Variants in TAB2 observed in about 807,000 individuals in gnomAD.
TAB2 encodes the protein TGF-beta activated kinase 1 (MAP3K7) binding protein 2.
In TAB2, 3 loss-of-function variants were observed where a neutral mutation model predicts 65.0. That is an observed-to-expected ratio of 0.05 (90% CI 0.02 to 0.12). The LOEUF is 0.12. Among genes scored for constraint, TAB2 ranks in the 10% least tolerant of loss-of-function variants. The pLI is 1.00. For missense variants in TAB2, 623 were observed against 840.3 expected, an observed-to-expected ratio of 0.74 and a Z score of 3.20; for synonymous variants, 298 against 285.1, an observed-to-expected ratio of 1.05 and a Z score of -0.46.
intron 1 of TAB2, among the ~76,000 whole-genome samples, chr6:149,305,421 A>G (rs1022790947): frequency 2.0e-5 from 3 of 152,152 alleles, no homozygotes; most frequent in Non-Finnish European, 4.4e-5. Flanking sequence ...TTCCTTTTTC[A>G]AAGGGCCCTG....
At chr6:149,252,372 C>T (rs958416421) in intron 1 of TAB2, among the ~76,000 whole-genome samples, 7 of 149,740 alleles carry the variant, frequency 4.7e-5, no homozygotes, top group African/African-American at 1.5e-4. Context: ...TGCACTGCAA[C>T]CTGGGCAACA....
At chr6:149,223,846 G>A (rs920476078) in intron 1 of TAB2, among the ~76,000 whole-genome samples, 2 of 151,846 alleles carry the variant, frequency 1.3e-5, no homozygotes, top group South Asian at 2.1e-4. Flanking sequence ...AGCTGAGGCT[G>A]AATGTAAATA....
chr6:149,237,985 TC>T (rs1473065280), intron 1 of TAB2, among the ~76,000 whole-genome samples: 1 of 152,190 alleles, frequency 6.6e-6, no homozygotes, highest in Non-Finnish European at 1.5e-5. Context: ...CACTCAGCGT[TC>T]CCATAGCACT....
At chr6:149,249,700 G>A (rs140024670) in intron 1 of TAB2, among the ~76,000 whole-genome samples, 7 of 151,838 alleles carry the variant, frequency 4.6e-5, no homozygotes, top group South Asian at 2.1e-4. Context: ...CTTTCACGGC[G>A]CCCTCACTCT....
chr6:149,403,325 T>G (rs1186539033), intron 6 of TAB2, among the ~76,000 whole-genome samples: 1 of 56,482 alleles, frequency 1.8e-5, no homozygotes, highest in Non-Finnish European at 3.5e-5. Context: ...CACACACATA[T>G]ATATACATAT....
intron 1 of TAB2, chr6:149,246,522 T>C (rs1166312629): frequency 3.3e-5 from 5 of 152,230 alleles, no homozygotes; most frequent in Admixed American, 6.5e-5. Context: ...CCTTTTAAAA[T>C]AACAGTTGAA....
At chr6:149,351,909 C>CT (rs1371423953) in intron 1 of TAB2, among the ~76,000 whole-genome samples, 6 of 152,140 alleles carry the variant, frequency 3.9e-5, no homozygotes, top group Non-Finnish European at 7.4e-5. Context: ...TTAACATGTT[C>CT]TTTCACCAGA....
At chr6:149,400,639 C>T (rs1473855220) in intron 6 of TAB2, 2 of 1,614,188 alleles carry the variant, frequency 1.2e-6, no homozygotes, top group Middle Eastern at 1.6e-4. Flanking sequence ...GATGAAGATA[C>T]AATTGATGTG....
rs898529630 is a variant in TAB2, at chr6:149,350,675, C to T, written c.-89-19234C>T. Among the ~76,000 whole-genome samples the T allele has an allele frequency of 1.1e-4, 15 of 140,198 alleles. No individual in the cohort carries two copies. In the Middle Eastern group the frequency reaches 0.012, roughly 113 times the overall value. The allele number at this position is 140,198 out of a possible 152,430, so 92.0% of individuals were successfully genotyped here. ...AGTCACCCAGGCTGGAGTGCAGTGG[C>T]ACAATCATAGCTCACTACATCCTTG... On this transcript the variant is annotated intron_variant, in intron 1 of 6. Coordinates refer to ENST00000637181, the MANE Select transcript of TAB2 (RefSeq NM_001292034.3).
chr6:149,403,273 T>TATACAC (rs1554265399), intron 6 of TAB2, among the ~76,000 whole-genome samples: 2 of 69,638 alleles, frequency 2.9e-5, no homozygotes, highest in Non-Finnish European at 2.6e-5. Context: ...TATATATATA[T>TATACAC]ATATATATAT....
intron 1 of TAB2, chr6:149,253,276 T>A (rs188111299): frequency 6.6e-6 from 1 of 152,358 alleles, no homozygotes; most frequent in Non-Finnish European, 1.5e-5. Flanking sequence ...TTATGTGATA[T>A]GCCAAGATAT....
intron 1 of TAB2, among the ~76,000 whole-genome samples, chr6:149,330,870 A>G (rs553982428): frequency 6.6e-6 from 1 of 152,268 alleles, no homozygotes; most frequent in Non-Finnish European, 1.5e-5. Context: ...GTCCCAAACA[A>G]AAAAGACTAT....
intron 1 of TAB2, 92 bp downstream of exon 1, chr6:149,318,107 G>A: frequency 6.5e-6 from 1 of 154,784 alleles, no homozygotes; most frequent in East Asian, 1.9e-4. Flanking sequence ...AAGGGGCTCT[G>A]CCGCCTCGCG....
chr6:149,318,308 C>G (rs1779323650), intron 1 of TAB2, among the ~76,000 whole-genome samples: 1 of 151,668 alleles, frequency 6.6e-6, no homozygotes, highest in Non-Finnish European at 1.5e-5. Flanking sequence ...GAATCGAGCG[C>G]CTAGGAGAGC....
intron 1 of TAB2, among the ~76,000 whole-genome samples, chr6:149,320,087 T>C (rs1427081882): frequency 1.3e-5 from 2 of 152,196 alleles, no homozygotes; most frequent in African/African-American, 4.8e-5. Context: ...TTTTCTTTGT[T>C]TTTTGTTTTG....
At chr6:149,343,225 G>A (rs1360631848) in intron 1 of TAB2, among the ~76,000 whole-genome samples, 2 of 152,134 alleles carry the variant, frequency 1.3e-5, no homozygotes, top group Non-Finnish European at 2.9e-5. Flanking sequence ...CCCTCTTCCT[G>A]AGATCCTCAA....
At position 149,398,125 on chromosome 6, in the gene TAB2, G is replaced by A. The variant is rs189756186; in HGVS notation, c.1858+63G>A. ...TTTAATTCACCAGCAGTTTTTCTGT[G>A]GCTAAAAACAGACTTATCAATCATA... On this transcript the variant is annotated intron_variant, in intron 5 of 6. Coordinates refer to ENST00000637181, the MANE Select transcript of TAB2 (RefSeq NM_001292034.3). The A allele has an allele frequency of 3.9e-3, 5,269 of 1,357,278 alleles. 23 individuals are homozygous for A. The highest frequency in any genetic ancestry group is 0.031 in the Middle Eastern group (173 of 5,602). The allele number at this position is 1,357,278 out of a possible 1,614,324, so 84.1% of individuals were successfully genotyped here.
chr6:149,394,551 T>C (rs115856821), intron 3 of TAB2, among the ~76,000 whole-genome samples: 2,556 of 152,236 alleles, frequency 0.017, 57 homozygotes, highest in South Asian at 0.097. Context: ...AAGTAAATGG[T>C]ATTTGCACCC....
At chr6:149,355,766 T>G (rs1346143868) in intron 1 of TAB2, among the ~76,000 whole-genome samples, 6 of 152,134 alleles carry the variant, frequency 3.9e-5, no homozygotes, top group African/African-American at 1.2e-4. Context: ...ATTACCTTAC[T>G]TACATGACAC....
Sources: gnomAD v4.1 joint callset for allele counts (sites outside exome capture counted in the v4.1 genomes callset) on GRCh38, gnomAD v4.1.1 for gene constraint, MANE v1.5 for transcripts, NCBI Gene and HGNC (gene_info 2026-07-23, HGNC 2026-07-21) for gene names.